The following SFXN5 variants were observed in gnomAD, a reference collection of about 807,000 sequenced individuals.
SFXN5 encodes the protein sideroflexin-5.
A neutral mutation model predicts 50.2 loss-of-function variants in SFXN5; 43 were observed. The observed-to-expected ratio is 0.86, with a 90% CI of 0.67 to 1.11. The LOEUF is 1.11. SFXN5 is among the 50% of genes least tolerant of loss of function. The probability of loss-of-function intolerance (pLI) is 0.00; values close to 1 mark genes in which losing one functional copy is unlikely to be tolerated. For missense variants in SFXN5, 463 were observed against 454.1 expected (o/e 1.02, Z -0.18); for synonymous variants, 203 against 185.8 (o/e 1.09, Z -0.75).
At chr2:72,994,994 G>T in intron 9 of SFXN5, 1 of 152,240 alleles carries the variant, frequency 6.6e-6, no homozygotes. Context: ...TGTGAAGTAG[G>T]GGCCCCTCCC....
chr2:73,059,390 G>A (rs1682560936), intron 1 of SFXN5: 2 of 985,372 alleles, frequency 2.0e-6, no homozygotes, highest in Non-Finnish European at 2.4e-6. Flanking sequence ...TACACTCCGG[G>A]CTCTGCCCCA....
At position 72,961,167 on chromosome 2, in the gene SFXN5, C is replaced by T; in HGVS notation, c.909G>A (p.Leu303=). Residue 303 remains leucine (L), a synonymous_variant, in exon 13 of 14, where the codon CTG becomes CTA. Coordinates refer to ENST00000272433, the MANE Select transcript of SFXN5 (RefSeq NM_144579.3). This position sits in a 1 kb window ranked among gnomAD's most constrained non-coding sequence, Gnocchi z 4.4. ...LVCLAAFGLA[L]PLAISLFPQM... is the part of the protein sequence containing the mutation. ...GCGGGAAGAGGCTGATGGCCAGCGG[C>T]AGGGCCAGGCCGAAGGCTGCCAGGC... 1 of 1,580,318 alleles carries T rather than the reference C, an allele frequency of 6.3e-7. No individual in the cohort carries two copies. The highest frequency in any genetic ancestry group is 8.6e-7 in the Non-Finnish European group (1 of 1,165,440).
At chr2:73,007,168 A>G (rs1674792202) in intron 6 of SFXN5, among the ~76,000 whole-genome samples, 1 of 152,154 alleles carries the variant, frequency 6.6e-6, no homozygotes, top group South Asian at 2.1e-4. Flanking sequence ...GTGTACGATG[A>G]TATCAGGACT....
intron 3 of SFXN5, among the ~76,000 whole-genome samples, chr2:73,026,045 A>G (rs1023894867): frequency 6.6e-6 from 1 of 152,120 alleles, no homozygotes; most frequent in Admixed American, 6.5e-5. Flanking sequence ...ATGACCCACA[A>G]GAGGGCTGGA....
Position 72,961,334 on chromosome 2 carries a change from T to C in SFXN5, c.828-86A>G. ...CCACCATGCTGGGTCCCACTCTGTCTCTGGGCCCAGGAAGCGTGGTTCCGG... is the reference window on the plus strand; with the variant it reads ...CCACCATGCTGGGTCCCACTCTGTCCCTGGGCCCAGGAAGCGTGGTTCCGG... On this transcript the variant is annotated intron_variant, in intron 12 of 13. Coordinates refer to ENST00000272433, the MANE Select transcript of SFXN5 (RefSeq NM_144579.3). The surrounding 1 kb of genome is among the most constrained non-coding windows in gnomAD (Gnocchi z 4.4). 1.1e-6 allele frequency: 1 copy of C among 883,504 alleles called. No homozygotes were observed. Among genetic ancestry groups the C allele is most frequent in the Non-Finnish European group, 1.7e-6 (1 of 602,720 alleles). 54.7% of individuals were successfully genotyped at this position (883,504 alleles called of 1,614,324 possible).
intron 3 of SFXN5, among the ~76,000 whole-genome samples, chr2:73,026,119 G>A (rs954882634): frequency 7.2e-6 from 1 of 138,982 alleles, no homozygotes; most frequent in Non-Finnish European, 1.5e-5. Context: ...CTAATGCTGT[G>A]TGGCTGCTTT....
At chr2:72,966,568 C>G (rs1005204932) in intron 12 of SFXN5, among the ~76,000 whole-genome samples, 1 of 152,196 alleles carries the variant, frequency 6.6e-6, no homozygotes, top group Non-Finnish European at 1.5e-5. Context: ...CAGGTACCCC[C>G]AGAGCCTCCG....
intron 6 of SFXN5, among the ~76,000 whole-genome samples, chr2:73,013,975 C>T (rs1675855673): frequency 6.6e-6 from 1 of 152,080 alleles, no homozygotes; most frequent in Non-Finnish European, 1.5e-5. Context: ...TATTGCTTTG[C>T]ATATTTTTTA....
chr2:73,017,762 G>C (rs1676356398), intron 6 of SFXN5, among the ~76,000 whole-genome samples: 1 of 152,140 alleles, frequency 6.6e-6, no homozygotes, highest in African/African-American at 2.4e-5. Context: ...TTTACAAGTT[G>C]TATCTCCTAG....
At chr2:72,951,229 C>T (rs1222820257) in intron 13 of SFXN5, among the ~76,000 whole-genome samples, 1 of 152,186 alleles carries the variant, frequency 6.6e-6, no homozygotes, top group Non-Finnish European at 1.5e-5. Flanking sequence ...CACACCAGCT[C>T]CCAGCCAGCC....
intron 1 of SFXN5, among the ~76,000 whole-genome samples, chr2:73,066,005 G>T (rs572675440): frequency 2.3e-4 from 35 of 152,328 alleles, no homozygotes; most frequent in Admixed American, 4.6e-4. Flanking sequence ...ACCAGAAAAG[G>T]AAGAGGAAAG....
chr2:73,018,377 C>T (rs1054984099), intron 6 of SFXN5, among the ~76,000 whole-genome samples: 8 of 151,826 alleles, frequency 5.3e-5, no homozygotes, highest in African/African-American at 1.9e-4. Flanking sequence ...AATAGAGAAA[C>T]TGCTTTAAGG....
At chr2:72,967,065 G>A (rs1375424199) in intron 12 of SFXN5, among the ~76,000 whole-genome samples, 2 of 152,212 alleles carry the variant, frequency 1.3e-5, no homozygotes, top group Admixed American at 6.5e-5. Flanking sequence ...CTGAGCCACC[G>A]CTGGCTCTGC....
chr2:73,026,543 T>C (rs1485290317), intron 3 of SFXN5, among the ~76,000 whole-genome samples: 1 of 152,152 alleles, frequency 6.6e-6, no homozygotes, highest in Non-Finnish European at 1.5e-5. Context: ...TATGGCCTAG[T>C]GACCTTGTGG....
chr2:72,962,746 C>G (rs1340843863), intron 12 of SFXN5, among the ~76,000 whole-genome samples: 1 of 152,200 alleles, frequency 6.6e-6, no homozygotes, highest in Admixed American at 6.5e-5. Context: ...GTTGTTATTG[C>G]TCATGTTACC....
At chr2:72,991,562 C>T (rs563824212) in intron 9 of SFXN5, among the ~76,000 whole-genome samples, 258 of 152,358 alleles carry the variant, frequency 1.7e-3, no homozygotes, top group African/African-American at 4.4e-3. Flanking sequence ...TCACCCCTTC[C>T]CAGGCCCCAG....
intron 6 of SFXN5, among the ~76,000 whole-genome samples, chr2:73,009,538 G>A (rs1675219039): frequency 6.6e-6 from 1 of 152,220 alleles, no homozygotes; most frequent in Non-Finnish European, 1.5e-5. Context: ...GGATAGGTGA[G>A]CATTGTCATT....
At chr2:73,031,179 T>G (rs1272013829) in intron 3 of SFXN5, among the ~76,000 whole-genome samples, 1 of 152,194 alleles carries the variant, frequency 6.6e-6, no homozygotes, top group Non-Finnish European at 1.5e-5. Flanking sequence ...GCTACACATT[T>G]CCCAGCCTCC....
At chr2:73,039,217 C>T (rs1462010573) in intron 3 of SFXN5, among the ~76,000 whole-genome samples, 3 of 152,192 alleles carry the variant, frequency 2.0e-5, no homozygotes, top group African/African-American at 2.4e-5. Context: ...CATGAGCCAC[C>T]ACGCCTGGCC....
Sources: allele counts gnomAD v4.1 joint callset (sites outside exome capture counted in the v4.1 genomes callset), GRCh38; gene constraint gnomAD v4.1.1; non-coding constraint Gnocchi (gnomAD v3.1); transcripts MANE v1.5; gene names NCBI Gene and HGNC (gene_info 2026-07-23, HGNC 2026-07-21).